Variants in CPA4 observed in about 807,000 individuals in gnomAD.
CPA4 encodes carboxypeptidase A4, also known as carboxypeptidase A3.
In CPA4, 49 loss-of-function variants were observed where a neutral mutation model predicts 54.7. That is an observed-to-expected ratio of 0.90 (90% CI 0.71 to 1.14). The LOEUF (loss-of-function observed/expected upper bound fraction) is 1.14. CPA4 is among the 50% of genes most tolerant of loss of function. The probability of loss-of-function intolerance (pLI) is 0.00; values close to 1 mark genes in which losing one functional copy is unlikely to be tolerated. For missense variants in CPA4, 487 were observed against 525.1 expected, an observed-to-expected ratio of 0.93 and a Z score of 0.71; for synonymous variants, 215 against 206.8, an observed-to-expected ratio of 1.04 and a Z score of -0.34.
rs1793892149 is a variant in CPA4, at chr7:130,310,307, A to T, written c.794-480A>T. Among the ~76,000 whole-genome samples the T allele has an allele frequency of 6.6e-6, 1 of 152,194 alleles. No individual in the cohort carries two copies. Among genetic ancestry groups the T allele is most frequent in the African/African-American group, 2.4e-5 (1 of 41,442 alleles). On this transcript the variant is annotated intron_variant, in intron 8 of 10. Coordinates refer to ENST00000222482, the MANE Select transcript of CPA4 (RefSeq NM_016352.4). This position sits in a 1 kb window ranked among gnomAD's most constrained non-coding sequence, Gnocchi z 4.3. Reference sequence around the variant, plus strand: ...CCTAGAAACCCGAGGGAACTATATTATGAAGTAATACAGAAGGCAGTGTTT... The same window carrying T: ...CCTAGAAACCCGAGGGAACTATATTTTGAAGTAATACAGAAGGCAGTGTTT...
Position 130,304,505 on chromosome 7 carries a change from GC to G in CPA4, c.413del (p.Ala138GlufsTer10). ...AIYHEMDNIA[A>X]DFPDLARRVK... is the part of the protein sequence containing the mutation. ...TTACCACGAGATGGACAACATTGCC[GC>G]AGACTTTCCTGACCTGGCGAGGAGG... On this transcript the variant is annotated frameshift_variant, in exon 5 of 11. Transcript: ENST00000222482. LOFTEE classifies it high-confidence loss of function. 1 of 1,611,424 alleles carries G rather than the reference GC, an allele frequency of 6.2e-7. No individual in the cohort carries two copies. Among genetic ancestry groups the G allele is most frequent in the Non-Finnish European group, 8.5e-7 (1 of 1,177,564 alleles).
intron 10 of CPA4, among the ~76,000 whole-genome samples, chr7:130,317,837 C>T (rs780424088): frequency 1.3e-5 from 2 of 152,098 alleles, no homozygotes; most frequent in Non-Finnish European, 2.9e-5. Context: ...TGCAAACTCG[C>T]TGCTGTTTCT....
At chr7:130,317,170 C>A (rs1016751817) in intron 10 of CPA4, among the ~76,000 whole-genome samples, 2 of 152,160 alleles carry the variant, frequency 1.3e-5, no homozygotes, top group African/African-American at 4.8e-5. Flanking sequence ...CAGGCACGAG[C>A]CAGTGCACCT....
At chr7:130,304,331 A>C (rs1793784374) in intron 4 of CPA4, 147 bp from the exon 5 acceptor site, 1 of 702,182 alleles carries the variant, frequency 1.4e-6, no homozygotes. Context: ...AGGTCTCATA[A>C]TCAGCGTTTC....
At chr7:130,305,783 C>T (rs375297697) in intron 5 of CPA4, 33 bp from the exon 6 acceptor site, 69 of 1,497,412 alleles carry the variant, frequency 4.6e-5, no homozygotes, top group South Asian at 2.0e-4. Context: ...TGCGGGCAGG[C>T]GGTCATTTTC....
rs1403311941 is a variant in CPA4, at chr7:130,310,676, G to C, written c.794-111G>C. On this transcript the variant is annotated intron_variant, in intron 8 of 10. Transcript: ENST00000222482. This position sits in a 1 kb window ranked among gnomAD's most constrained non-coding sequence, Gnocchi z 4.3. ...TGGACTAGGTGCTCTGGGCCGTCTCGCCATGGCCTGCCCATTCCCAATACC... is the reference window on the plus strand; with the variant it reads ...TGGACTAGGTGCTCTGGGCCGTCTCCCCATGGCCTGCCCATTCCCAATACC... The C allele has an allele frequency of 1.0e-6, 1 of 953,090 alleles. No individual in the cohort carries two copies. Among genetic ancestry groups the C allele is most frequent in the South Asian group, 1.5e-5 (1 of 67,494 alleles). 59.0% of individuals were successfully genotyped at this position (953,090 alleles called of 1,614,324 possible).
chr7:130,294,205 C>T (rs1421422568), intron 1 of CPA4, among the ~76,000 whole-genome samples: 1 of 152,192 alleles, frequency 6.6e-6, no homozygotes, highest in Non-Finnish European at 1.5e-5. Context: ...AGCAGGGGAG[C>T]TGGAACTCTG....
At chr7:130,316,108 G>A (rs1793983836) in intron 10 of CPA4, among the ~76,000 whole-genome samples, 1 of 152,136 alleles carries the variant, frequency 6.6e-6, no homozygotes, top group Non-Finnish European at 1.5e-5. Context: ...AGGTATTGGG[G>A]AATTGGATGA....
At chr7:130,321,716 A>G (rs1270905727) in intron 10 of CPA4, among the ~76,000 whole-genome samples, 1 of 152,184 alleles carries the variant, frequency 6.6e-6, no homozygotes, top group African/African-American at 2.4e-5. Flanking sequence ...ACTAAGCAAA[A>G]GGGGTTTCCC....
chr7:130,314,910 G>T (rs905043791), intron 10 of CPA4, among the ~76,000 whole-genome samples: 6 of 152,074 alleles, frequency 3.9e-5, no homozygotes, highest in African/African-American at 1.4e-4. Context: ...CGGGATTCGG[G>T]TGAGGTGAAG....
At chr7:130,299,745 GT>G (rs1429533958) in intron 3 of CPA4, 8 of 241,216 alleles carry the variant, frequency 3.3e-5, no homozygotes, top group Non-Finnish European at 5.8e-5. Context: ...CATGTGATTT[GT>G]TGAGAAGACT....
intron 10 of CPA4, among the ~76,000 whole-genome samples, chr7:130,314,366 A>T (rs2117157859): frequency 6.6e-6 from 1 of 152,324 alleles, no homozygotes; most frequent in South Asian, 2.1e-4. Flanking sequence ...GTTTGAAATA[A>T]TTTGTTGGCC....
Position 130,322,509 on chromosome 7 carries a change from A to C in CPA4, c.1099A>C (p.Ile367Leu). ...TACAGATCCAGCTAGCGGGAGCAGC[A>C]TCGACTGGGCATATGACAACGGCAT... Reference protein sequence around the residue: ...TTVYPASGSSIDWAYDNGIKF... With the variant: ...TTVYPASGSSLDWAYDNGIKF... The change falls in exon 11 of 11, where the codon ATC becomes CTC. Residue 367 changes from isoleucine (I) to leucine (L), a missense_variant. Physicochemically the swap from Ile to Leu is conservative, Grantham distance 5. Transcript: ENST00000222482. 1 of 1,613,976 alleles carries C rather than the reference A, an allele frequency of 6.2e-7. No individual in the cohort carries two copies. The highest frequency in any genetic ancestry group is 8.5e-7 in the Non-Finnish European group (1 of 1,179,904).
chr7:130,299,590 T>C (rs553121783), intron 3 of CPA4, 186 bp downstream of exon 3: 4 of 580,552 alleles, frequency 6.9e-6, no homozygotes, highest in South Asian at 6.5e-5. Context: ...AGAAAGGGCA[T>C]AAATAGGCCA....
intron 2 of CPA4, 41 bp from the exon 3 acceptor site, chr7:130,299,229 T>C: frequency 6.2e-7 from 1 of 1,604,116 alleles, no homozygotes. Flanking sequence ...GCATTTTACC[T>C]GAACGGTCCT....
At chr7:130,312,176 G>C in intron 10 of CPA4, 54 bp downstream of exon 10, 5 of 1,292,526 alleles carry the variant, frequency 3.9e-6, no homozygotes, top group Non-Finnish European at 5.6e-6. Context: ...GAGGAAACTT[G>C]AAATGGAGTG....
At chr7:130,315,334 T>C (rs1384421992) in intron 10 of CPA4, among the ~76,000 whole-genome samples, 1 of 152,044 alleles carries the variant, frequency 6.6e-6, no homozygotes, top group Non-Finnish European at 1.5e-5. Context: ...GGGCTGAGCA[T>C]TGGAGGTTTA....
chr7:130,314,282 C>T (rs1463204736), intron 10 of CPA4, among the ~76,000 whole-genome samples: 2 of 152,080 alleles, frequency 1.3e-5, no homozygotes, highest in Admixed American at 6.5e-5. Context: ...TGTTGTAAAA[C>T]GGGGGTGTGT....
chr7:130,300,221 G>T (rs773870522), intron 3 of CPA4, among the ~76,000 whole-genome samples: 1 of 152,128 alleles, frequency 6.6e-6, no homozygotes, highest in Non-Finnish European at 1.5e-5. Flanking sequence ...TACCAGATGC[G>T]GGCTGATGTC....
Sources: allele counts gnomAD v4.1 joint callset (sites outside exome capture counted in the v4.1 genomes callset), GRCh38; gene constraint gnomAD v4.1.1; non-coding constraint Gnocchi (gnomAD v3.1); transcripts MANE v1.5; gene names NCBI Gene and HGNC (gene_info 2026-07-23, HGNC 2026-07-21).